The following FAM135A variants were observed in gnomAD, a reference collection of about 807,000 sequenced individuals.
FAM135A encodes protein FAM135A.
In FAM135A, 79 loss-of-function variants were observed where a neutral mutation model predicts 146.8. The ratio of observed to expected loss-of-function variants is 0.54; its 90% CI spans 0.45 to 0.65. FAM135A has a LOEUF of 0.65. Ranked by LOEUF, FAM135A falls within the 30% of genes least tolerant of loss-of-function variation. The pLI is 0.00. For missense variants in FAM135A, 1,623 were observed against 1,758.2 expected (o/e 0.92, Z 1.38); for synonymous variants, 562 against 603.6 (o/e 0.93, Z 1.01).
chr6:70,496,951 C>T (rs926537874), intron 11 of FAM135A, among the ~76,000 whole-genome samples: 2 of 152,086 alleles, frequency 1.3e-5, no homozygotes, highest in Non-Finnish European at 2.9e-5. Flanking sequence ...ATGCCTCCAG[C>T]TTTGTTCTTT....
At chr6:70,547,672 A>G (rs1232770849) in intron 20 of FAM135A, among the ~76,000 whole-genome samples, 3 of 152,236 alleles carry the variant, frequency 2.0e-5, no homozygotes, top group Non-Finnish European at 4.4e-5. Context: ...AGTGAATTGC[A>G]TTAAAACTCT....
intron 13 of FAM135A, 35 bp downstream of exon 13, chr6:70,522,621 A>C (rs1189870818): frequency 3.3e-6 from 5 of 1,514,418 alleles, no homozygotes; most frequent in African/African-American, 1.4e-5. Context: ...AAATGATATT[A>C]CTTCCTTTTA....
intron 20 of FAM135A, among the ~76,000 whole-genome samples, chr6:70,544,867 A>G (rs1010380863): frequency 6.6e-6 from 1 of 152,034 alleles, no homozygotes; most frequent in Non-Finnish European, 1.5e-5. Flanking sequence ...CCTGGCCAAC[A>G]TGGTGAAACC....
chr6:70,448,687 G>A (rs140510966), intron 4 of FAM135A, among the ~76,000 whole-genome samples: 4,288 of 152,240 alleles, frequency 0.028, 126 homozygotes, highest in African/African-American at 0.072. Flanking sequence ...AGATTTACCC[G>A]CGTATTTATT....
chr6:70,511,394 T>G (rs1158613879), intron 12 of FAM135A, among the ~76,000 whole-genome samples: 2 of 151,902 alleles, frequency 1.3e-5, no homozygotes, highest in Non-Finnish European at 2.9e-5. Context: ...AGGTAACCCT[T>G]GAGAGAAAGT....
At chr6:70,436,488 T>C (rs1773192510) in intron 4 of FAM135A, among the ~76,000 whole-genome samples, 1 of 152,204 alleles carries the variant, frequency 6.6e-6, no homozygotes, top group Non-Finnish European at 1.5e-5. Flanking sequence ...TTTTTTAATC[T>C]GTGCTATGGT....
chr6:70,513,090 A>G, intron 12 of FAM135A, among the ~76,000 whole-genome samples: 1 of 151,796 alleles, frequency 6.6e-6, no homozygotes, highest in Non-Finnish European at 1.5e-5. Flanking sequence ...ACTAATAAGC[A>G]TGAGTCTATT....
chr6:70,423,746 A>AC (rs1769385133), intron 2 of FAM135A, among the ~76,000 whole-genome samples: 1 of 152,244 alleles, frequency 6.6e-6, no homozygotes, highest in Non-Finnish European at 1.5e-5. Context: ...CAAGCAGTCT[A>AC]CCACAGTCTG....
intron 5 of FAM135A, among the ~76,000 whole-genome samples, chr6:70,458,408 A>C (rs920441953): frequency 2.0e-5 from 3 of 152,190 alleles, no homozygotes; most frequent in Admixed American, 1.3e-4. Context: ...AATTTATGAT[A>C]ACTTGTTTTT....
Position 70,525,839 on chromosome 6 carries a change from G to A in FAM135A, c.2755G>A (p.Asp919Asn). The A allele has an allele frequency of 1.2e-6, 2 of 1,611,548 alleles. No homozygotes were observed. Among genetic ancestry groups the A allele is most frequent in the East Asian group, 4.5e-5 (2 of 44,844 alleles). Residue 919 changes from aspartate to asparagine, a missense_variant, in exon 15 of 22, where the codon GAC (aspartate) becomes AAC (asparagine). This residue lies in a region of FAM135A where 1,061 missense variants were observed against 1,113.8 expected (regional missense o/e 0.95). Transcript: ENST00000418814. The part of the protein sequence containing the change: ...AIHSLNSSIK[D>N]PLQFVFSDEE... ...ACATTCCTTAAATTCAAGCATTAAA[G>A]ACCCTTTACAATTTGTTTTTTCAGA...
At chr6:70,528,807 G>C (rs1179371517) in intron 16 of FAM135A, among the ~76,000 whole-genome samples, 4 of 151,768 alleles carry the variant, frequency 2.6e-5, no homozygotes, top group Non-Finnish European at 4.4e-5. Flanking sequence ...ATCTACATTA[G>C]GTATTTCTCC....
chr6:70,506,736 TTC>T (rs1789852088), intron 12 of FAM135A, among the ~76,000 whole-genome samples: 2 of 151,252 alleles, frequency 1.3e-5, no homozygotes, highest in South Asian at 4.1e-4. Flanking sequence ...ATTTTGTTTT[TTC>T]TTTTTTTTTT....
intron 8 of FAM135A, among the ~76,000 whole-genome samples, chr6:70,480,421 T>C (rs1202392860): frequency 6.6e-6 from 1 of 152,178 alleles, no homozygotes; most frequent in Non-Finnish European, 1.5e-5. Flanking sequence ...TAAAGAGAAT[T>C]AAGGGAAATA....
At chr6:70,529,392 C>A (rs1582783358) in intron 16 of FAM135A, among the ~76,000 whole-genome samples, 2 of 142,270 alleles carry the variant, frequency 1.4e-5, no homozygotes, top group Non-Finnish European at 1.5e-5. Flanking sequence ...AAATATTAAA[C>A]AAATGTCCCT....
intron 4 of FAM135A, 79 bp from the exon 5 acceptor site, chr6:70,452,413 T>C: frequency 1.0e-6 from 1 of 998,368 alleles, no homozygotes; most frequent in Non-Finnish European, 1.5e-6. Context: ...TATTTTAATA[T>C]GGATACAAAT....
At chr6:70,436,656 A>G (rs1035938874) in intron 4 of FAM135A, among the ~76,000 whole-genome samples, 3 of 152,174 alleles carry the variant, frequency 2.0e-5, no homozygotes, top group African/African-American at 7.2e-5. Flanking sequence ...GCCAATGTGT[A>G]TTCTTCTTTT....
intron 12 of FAM135A, among the ~76,000 whole-genome samples, chr6:70,505,564 A>C (rs1789581299): frequency 6.6e-6 from 1 of 152,106 alleles, no homozygotes; most frequent in African/African-American, 2.4e-5. Context: ...TTGGTAAATT[A>C]TATTTTTGGA....
chr6:70,473,506 A>G (rs958163399), intron 5 of FAM135A, among the ~76,000 whole-genome samples: 1 of 152,152 alleles, frequency 6.6e-6, no homozygotes, highest in Non-Finnish European at 1.5e-5. Flanking sequence ...TTCATTCTGT[A>G]TTTGTGTCTC....
intron 10 of FAM135A, among the ~76,000 whole-genome samples, chr6:70,487,200 A>G (rs1208043262): frequency 6.6e-6 from 1 of 150,762 alleles, no homozygotes; most frequent in African/African-American, 2.4e-5. Flanking sequence ...ATTTGCATTT[A>G]TTTTTTGTTA....
Sources: allele counts gnomAD v4.1 joint callset (sites outside exome capture counted in the v4.1 genomes callset), GRCh38; gene constraint gnomAD v4.1.1; regional missense constraint gnomAD v4.1.1; transcripts MANE v1.5; gene names NCBI Gene and HGNC (gene_info 2026-07-23, HGNC 2026-07-21).